The following PRR16 variants were observed in gnomAD, a reference collection of about 807,000 sequenced individuals.
PRR16 encodes proline rich 16.
Under a neutral mutation model 18.2 loss-of-function variants are expected in PRR16, and 6 were observed. The observed-to-expected ratio is 0.33, with a 90% CI of 0.18 to 0.65. The LOEUF is 0.65. Among genes scored for constraint, PRR16 ranks in the 30% least tolerant of loss-of-function variants. PRR16 has a pLI of 0.74. For missense variants in PRR16, 412 were observed against 376.6 expected (o/e 1.09, Z -0.78); for synonymous variants, 151 against 147.8 (o/e 1.02, Z -0.16).
chr5:120,668,438 C>G (rs1362390000), intron 1 of PRR16, among the ~76,000 whole-genome samples: 7 of 150,062 alleles, frequency 4.7e-5, no homozygotes, highest in Non-Finnish European at 7.4e-5. Context: ...TTAATTGGAG[C>G]ATTTAGTCCA....
chr5:120,472,794 T>C (rs1056058007), intron 1 of PRR16, among the ~76,000 whole-genome samples: 5 of 152,164 alleles, frequency 3.3e-5, no homozygotes, highest in Non-Finnish European at 5.9e-5. Context: ...AAATAGGTGG[T>C]ATATTTATAA....
the PRR16 span, among the ~76,000 whole-genome samples, chr5:120,758,749 G>A: frequency 6.6e-6 from 1 of 152,036 alleles, no homozygotes. Context: ...GCAGAACTGT[G>A]AGTCAATAAA....
chr5:120,619,618 G>C (rs1473753675), intron 1 of PRR16, among the ~76,000 whole-genome samples: 2 of 152,022 alleles, frequency 1.3e-5, no homozygotes, highest in Non-Finnish European at 2.9e-5. Flanking sequence ...TAAAGAGGAA[G>C]TAAGAAAACA....
the PRR16 span, among the ~76,000 whole-genome samples, chr5:120,756,206 A>T: frequency 6.6e-6 from 1 of 152,128 alleles, no homozygotes; most frequent in African/African-American, 2.4e-5. Flanking sequence ...GGGACCAATC[A>T]GAGGTACTTT....
chr5:120,506,970 G>T (rs13356782), intron 1 of PRR16, among the ~76,000 whole-genome samples: 22,898 of 152,064 alleles, frequency 0.15, 1,826 homozygotes, highest in Non-Finnish European at 0.18. Flanking sequence ...ATAGAAGAAG[G>T]CAAGGCAACT....
intron 1 of PRR16, among the ~76,000 whole-genome samples, chr5:120,678,471 T>C (rs933962508): frequency 6.6e-6 from 1 of 152,198 alleles, no homozygotes; most frequent in African/African-American, 2.4e-5. Flanking sequence ...ATTCTTACTA[T>C]GTGCAGTCAC....
chr5:120,490,132 G>T (rs1194272389), intron 1 of PRR16, among the ~76,000 whole-genome samples: 4 of 151,950 alleles, frequency 2.6e-5, no homozygotes, highest in Non-Finnish European at 4.4e-5. Flanking sequence ...TATGTGTCTT[G>T]GAGTTGCTGT....
chr5:120,665,232 T>C lies in PRR16; in HGVS notation c.160-20722T>C, dbSNP rs1261126850. 2.7e-5 allele frequency among the ~76,000 whole-genome samples: 4 copies of C among 146,452 alleles called. No individual in the cohort carries two copies. In the Admixed American group the frequency reaches 2.8e-4, roughly 10 times the overall value. On this transcript the variant is annotated intron_variant, in intron 1 of 1. Coordinates refer to ENST00000407149, the MANE Select transcript of PRR16 (RefSeq NM_001300783.2). Reference sequence around the variant, plus strand: ...GTGATGATGAGCATTTTTTCATGTGTCTTTTGGCTACATAAATGTCTTCTT... The same window carrying C: ...GTGATGATGAGCATTTTTTCATGTGCCTTTTGGCTACATAAATGTCTTCTT...
intron 1 of PRR16, among the ~76,000 whole-genome samples, chr5:120,539,094 A>C (rs17146750): frequency 0.012 from 1,755 of 152,246 alleles, 31 homozygotes; most frequent in African/African-American, 0.039. Context: ...GCATTTTGTG[A>C]AATTTCTGAC....
chr5:120,582,315 A>C (rs879455476), intron 1 of PRR16, among the ~76,000 whole-genome samples: 16 of 152,262 alleles, frequency 1.1e-4, no homozygotes, highest in Admixed American at 4.6e-4. Flanking sequence ...GGGCATAAGG[A>C]GGGGAGTGAG....
chr5:120,552,968 T>C (rs1752300704), intron 1 of PRR16, among the ~76,000 whole-genome samples: 1 of 151,870 alleles, frequency 6.6e-6, no homozygotes, highest in Non-Finnish European at 1.5e-5. Context: ...CTAAATATTT[T>C]CAACCCTCTG....
At chr5:120,718,888 A>G in the PRR16 span, among the ~76,000 whole-genome samples, 24 of 152,084 alleles carry the variant, frequency 1.6e-4, no homozygotes, top group African/African-American at 5.6e-4. Flanking sequence ...CATTACCACA[A>G]TGCATACCAC....
chr5:120,753,882 A>T, the PRR16 span, among the ~76,000 whole-genome samples: 3 of 129,250 alleles, frequency 2.3e-5, no homozygotes, highest in African/African-American at 5.7e-5. Context: ...ATATATTTAT[A>T]TATTATATAT....
chr5:120,500,331 G>T (rs1244842505), intron 1 of PRR16, among the ~76,000 whole-genome samples: 3 of 152,220 alleles, frequency 2.0e-5, no homozygotes, highest in Admixed American at 6.5e-5. Flanking sequence ...GCTGGGGATT[G>T]GTTCTTGAAG....
intron 1 of PRR16, among the ~76,000 whole-genome samples, chr5:120,542,299 A>G (rs1340456115): frequency 6.6e-6 from 1 of 152,144 alleles, no homozygotes; most frequent in African/African-American, 2.4e-5. Context: ...TGGCATTCTC[A>G]TCTTTATTAA....
the PRR16 span, among the ~76,000 whole-genome samples, chr5:120,786,058 G>C: frequency 2.1e-5 from 3 of 145,316 alleles, no homozygotes; most frequent in South Asian, 2.2e-4. Flanking sequence ...ATTTTCATTA[G>C]TATTTCACAG....
At chr5:120,768,788 A>C in the PRR16 span, among the ~76,000 whole-genome samples, 2 of 151,792 alleles carry the variant, frequency 1.3e-5, no homozygotes, top group African/African-American at 4.8e-5. Context: ...AAGAGCAAGA[A>C]AATAATCTGA....
the PRR16 span, among the ~76,000 whole-genome samples, chr5:120,782,300 C>G: frequency 9.9e-5 from 15 of 152,282 alleles, no homozygotes; most frequent in African/African-American, 3.1e-4. Context: ...GAAGTACCCC[C>G]CTCCAAAACC....
chr5:120,689,966 A>G (rs1470702674), downstream of PRR16, among the ~76,000 whole-genome samples: 1 of 152,180 alleles, frequency 6.6e-6, no homozygotes, highest in East Asian at 1.9e-4. Context: ...AAGGGCATAC[A>G]AAAACAGAAA....
Sources: gnomAD v4.1 joint callset for allele counts (sites outside exome capture counted in the v4.1 genomes callset) on GRCh38, gnomAD v4.1.1 for gene constraint, MANE v1.5 for transcripts, NCBI Gene and HGNC (gene_info 2026-07-23, HGNC 2026-07-21) for gene names.